CDKAL1: variants seen among roughly 807,000 people sequenced by gnomAD.
The protein encoded by CDKAL1 is CDKAL1 threonylcarbamoyladenosine tRNA methylthiotransferase, also known as threonylcarbamoyladenosine tRNA methylthiotransferase.
In CDKAL1, 32 loss-of-function variants were observed where a neutral mutation model predicts 68.2. That is an observed-to-expected ratio of 0.47 (90% CI 0.35 to 0.63). CDKAL1 has a LOEUF of 0.63. CDKAL1 is among the 30% of genes least tolerant of loss of function. The pLI, the probability that CDKAL1 is intolerant of heterozygous loss-of-function variation, is 0.00. For missense variants in CDKAL1, 606 were observed against 696.7 expected, an observed-to-expected ratio of 0.87 and a Z score of 1.47; for synonymous variants, 234 against 244.3, an observed-to-expected ratio of 0.96 and a Z score of 0.39.
chr6:20,607,761 C>G (rs1235575905), intron 4 of CDKAL1, among the ~76,000 whole-genome samples: 1 of 151,898 alleles, frequency 6.6e-6, no homozygotes, highest in East Asian at 1.9e-4. Context: ...GTGGTGCGAT[C>G]TCAGCTCACT....
chr6:21,165,077 C>T (rs931213237), intron 13 of CDKAL1, among the ~76,000 whole-genome samples: 1 of 152,248 alleles, frequency 6.6e-6, no homozygotes, highest in Non-Finnish European at 1.5e-5. Flanking sequence ...AACTTCCTTC[C>T]TGGCCAAAGC....
At chr6:20,908,595 T>C (rs1486124460) in intron 9 of CDKAL1, among the ~76,000 whole-genome samples, 1 of 152,086 alleles carries the variant, frequency 6.6e-6, no homozygotes, top group Non-Finnish European at 1.5e-5. Flanking sequence ...TTTATAAAAA[T>C]TAAAAAAATA....
intron 10 of CDKAL1, among the ~76,000 whole-genome samples, chr6:20,989,055 A>G (rs201346): frequency 0.6 from 91,286 of 151,766 alleles, 28,148 homozygotes; most frequent in Non-Finnish European, 0.66. Flanking sequence ...ACTCCTGCCT[A>G]TAGGCAGGGG....
At chr6:21,195,933 G>A (rs570372766) in intron 13 of CDKAL1, among the ~76,000 whole-genome samples, 157 of 152,204 alleles carry the variant, frequency 1.0e-3, no homozygotes, top group African/African-American at 1.9e-3. Context: ...TGCACATTGC[G>A]GTTCTCCTGA....
chr6:20,855,968 A>G (rs906306316), intron 9 of CDKAL1, among the ~76,000 whole-genome samples: 1 of 152,210 alleles, frequency 6.6e-6, no homozygotes, highest in African/African-American at 2.4e-5. Flanking sequence ...TGTGTTCTCT[A>G]TCAAGATCCT....
chr6:21,212,949 T>C (rs1779211852), intron 15 of CDKAL1, among the ~76,000 whole-genome samples: 1 of 152,142 alleles, frequency 6.6e-6, no homozygotes. Context: ...CCTTGCAAAT[T>C]TGCCAACCCC....
At chr6:20,861,357 T>G (rs755173209) in intron 9 of CDKAL1, among the ~76,000 whole-genome samples, 4 of 152,224 alleles carry the variant, frequency 2.6e-5, no homozygotes, top group Non-Finnish European at 5.9e-5. Flanking sequence ...ATTTGCCACT[T>G]GGAGTGCTGG....
intron 5 of CDKAL1, among the ~76,000 whole-genome samples, chr6:20,687,110 A>G (rs947276244): frequency 6.6e-6 from 1 of 152,130 alleles, no homozygotes; most frequent in Non-Finnish European, 1.5e-5. Flanking sequence ...ATGATTTTAT[A>G]TCTATGTTCA....
At chr6:21,064,089 A>T (rs1315755089) in intron 11 of CDKAL1, among the ~76,000 whole-genome samples, 1 of 152,242 alleles carries the variant, frequency 6.6e-6, no homozygotes, top group Admixed American at 6.5e-5. Flanking sequence ...AGCTTAAAAA[A>T]AGAGGAACAA....
intron 4 of CDKAL1, among the ~76,000 whole-genome samples, chr6:20,574,168 C>CT (rs2127681680): frequency 6.6e-6 from 1 of 152,192 alleles, no homozygotes; most frequent in South Asian, 2.1e-4. Context: ...GGAAAATAAG[C>CT]TTTTTAATAT....
chr6:21,184,588 T>A (rs1777930410), intron 13 of CDKAL1, among the ~76,000 whole-genome samples: 1 of 152,210 alleles, frequency 6.6e-6, no homozygotes, highest in Non-Finnish European at 1.5e-5. Flanking sequence ...TATACTATCA[T>A]GTGCAAAGTA....
chr6:20,976,111 T>C (rs1190493302), intron 10 of CDKAL1, among the ~76,000 whole-genome samples: 1 of 152,166 alleles, frequency 6.6e-6, no homozygotes, highest in East Asian at 1.9e-4. Context: ...GAATGTCATA[T>C]AATTGCAATC....
At chr6:20,878,287 A>G (rs150355161) in intron 9 of CDKAL1, among the ~76,000 whole-genome samples, 3 of 152,186 alleles carry the variant, frequency 2.0e-5, no homozygotes, top group Non-Finnish European at 2.9e-5. Flanking sequence ...GGGAACAACA[A>G]GATCGAATTT....
At chr6:20,995,378 A>G (rs1451553233) in intron 10 of CDKAL1, among the ~76,000 whole-genome samples, 2 of 152,236 alleles carry the variant, frequency 1.3e-5, no homozygotes, top group Non-Finnish European at 2.9e-5. Flanking sequence ...AGGAATCACT[A>G]TGGCAGTTAT....
At chr6:20,879,264 G>A (rs958451101) in intron 9 of CDKAL1, among the ~76,000 whole-genome samples, 5 of 152,124 alleles carry the variant, frequency 3.3e-5, no homozygotes, top group Admixed American at 1.3e-4. Context: ...CCCCAAAGGG[G>A]CAAAGCCACT....
At chr6:21,203,708 T>C (rs1361327072) in intron 15 of CDKAL1, among the ~76,000 whole-genome samples, 1 of 147,308 alleles carries the variant, frequency 6.8e-6, no homozygotes, top group Non-Finnish European at 1.5e-5. Flanking sequence ...TTTTTTTTTT[T>C]TTTTTTTTTC....
At chr6:20,711,462 A>T (rs73377340) in intron 5 of CDKAL1, among the ~76,000 whole-genome samples, 1,733 of 152,326 alleles carry the variant, frequency 0.011, 30 homozygotes, top group African/African-American at 0.035. Flanking sequence ...TGGCTCAGCT[A>T]GTTTAGAAAA....
At chr6:21,043,488 A>G (rs1373457158) in intron 11 of CDKAL1, among the ~76,000 whole-genome samples, 1 of 152,162 alleles carries the variant, frequency 6.6e-6, no homozygotes, top group Admixed American at 6.5e-5. Flanking sequence ...TTTGTATGCA[A>G]CACTTGTAAG....
At chr6:20,791,846 G>A (rs56728847) in intron 8 of CDKAL1, among the ~76,000 whole-genome samples, 3,805 of 151,830 alleles carry the variant, frequency 0.025, 142 homozygotes, top group African/African-American at 0.085. Flanking sequence ...ACTTCTACTG[G>A]AGCTAAGGTG....
Sources: gnomAD v4.1 joint callset for allele counts (sites outside exome capture counted in the v4.1 genomes callset) on GRCh38, gnomAD v4.1.1 for gene constraint, MANE v1.5 for transcripts, NCBI Gene and HGNC (gene_info 2026-07-23, HGNC 2026-07-21) for gene names.